CDH13: variants seen among roughly 807,000 people sequenced by gnomAD.
CDH13 encodes the protein cadherin-13.
Under a neutral mutation model 63.8 loss-of-function variants are expected in CDH13, and 24 were observed. The observed-to-expected ratio is 0.38, with a 90% confidence interval of 0.27 to 0.53. CDH13 has a LOEUF of 0.53. Ranked by LOEUF, CDH13 falls within the 20% of genes least tolerant of loss-of-function variation. CDH13 has a pLI of 0.85. For synonymous variants in CDH13, 503 were observed against 355.3 expected (o/e 1.42, Z -4.67); for missense variants, 1,049 against 903.1 (o/e 1.16, Z -2.07).
At chr16:82,995,442 T>G (rs1464794283) in intron 2 of CDH13, among the ~76,000 whole-genome samples, 3 of 152,198 alleles carry the variant, frequency 2.0e-5, no homozygotes, top group Non-Finnish European at 4.4e-5. Context: ...TTTCCCTTCT[T>G]CAGCTGAAAC....
intron 1 of CDH13, among the ~76,000 whole-genome samples, chr16:82,706,586 G>A (rs762398432): frequency 1.3e-5 from 2 of 151,908 alleles, no homozygotes; most frequent in Non-Finnish European, 2.9e-5. Flanking sequence ...CTGAGGGTCA[G>A]GAGTTGGAGA....
At chr16:83,468,725 T>G (rs2073381860) in intron 6 of CDH13, among the ~76,000 whole-genome samples, 1 of 152,220 alleles carries the variant, frequency 6.6e-6, no homozygotes, top group Admixed American at 6.5e-5. Context: ...CTTGATGAAG[T>G]TGAGCTGCCT....
intron 5 of CDH13, among the ~76,000 whole-genome samples, chr16:83,239,608 T>C (rs536974221): frequency 3.6e-4 from 55 of 152,308 alleles, no homozygotes; most frequent in African/African-American, 1.3e-3. Context: ...TTCCAGTCTG[T>C]CTACTTTCTG....
At chr16:82,912,858 G>C (rs1207678451) in intron 2 of CDH13, among the ~76,000 whole-genome samples, 1 of 151,972 alleles carries the variant, frequency 6.6e-6, no homozygotes, top group East Asian at 1.9e-4. Context: ...CAGGAGAATG[G>C]CGTGAACCCG....
At chr16:82,839,649 TG>T (rs553201026) in intron 1 of CDH13, among the ~76,000 whole-genome samples, 61 of 152,282 alleles carry the variant, frequency 4.0e-4, no homozygotes, top group African/African-American at 1.3e-3. Context: ...AGTGGCCAGA[TG>T]GGGTCTGTGG....
intron 4 of CDH13, among the ~76,000 whole-genome samples, chr16:83,127,435 G>C (rs1395675923): frequency 6.6e-6 from 1 of 152,164 alleles, no homozygotes; most frequent in Non-Finnish European, 1.5e-5. Context: ...TTGGACTATT[G>C]AAAATTGATC....
At position 83,047,536 on chromosome 16, in the gene CDH13, G is replaced by C. The variant is rs111752291; in HGVS notation, c.366+15318G>C. ...CATGGAAGGGGAGGATAAGAAAGAA[G>C]ACCTAAAAACTGAATTTTTAAAATA... On this transcript the variant is annotated intron_variant, in intron 3 of 13. Coordinates refer to ENST00000567109, the MANE Select transcript of CDH13 (RefSeq NM_001257.5). The surrounding 1 kb of genome is among the most constrained non-coding windows in gnomAD (Gnocchi z 4.9). 2.2e-4 allele frequency among the ~76,000 whole-genome samples: 34 copies of C among 152,200 alleles called. 1 individual carries two copies. Among genetic ancestry groups the C allele is most frequent in the African/African-American group, 7.9e-4 (33 of 41,532 alleles).
chr16:83,699,980 A>T (rs140551362), intron 10 of CDH13, among the ~76,000 whole-genome samples: 82 of 152,254 alleles, frequency 5.4e-4, no homozygotes, highest in African/African-American at 1.9e-3. Context: ...GAGTTCTGAC[A>T]TATGTGCACT....
chr16:83,179,688 G>T (rs1489956056), intron 4 of CDH13, among the ~76,000 whole-genome samples: 1 of 151,568 alleles, frequency 6.6e-6, no homozygotes, highest in East Asian at 1.9e-4. Context: ...CCCTAGAGAG[G>T]TGTTAAGTAA....
chr16:82,994,276 C>A (rs950882334), intron 2 of CDH13, among the ~76,000 whole-genome samples: 1 of 152,122 alleles, frequency 6.6e-6, no homozygotes, highest in South Asian at 2.1e-4. Context: ...AGCTAGAGAC[C>A]CACGTCTCTA....
At chr16:83,289,638 T>A (rs1246359962) in intron 5 of CDH13, among the ~76,000 whole-genome samples, 1 of 152,120 alleles carries the variant, frequency 6.6e-6, no homozygotes, top group Non-Finnish European at 1.5e-5. Context: ...AAGGGCACAT[T>A]CACCCCAACA....
At chr16:83,130,131 G>C (rs986660857) in intron 4 of CDH13, among the ~76,000 whole-genome samples, 4 of 152,186 alleles carry the variant, frequency 2.6e-5, no homozygotes, top group African/African-American at 9.7e-5. Context: ...TTGATCTTGC[G>C]GGATTACAAA....
intron 1 of CDH13, among the ~76,000 whole-genome samples, chr16:82,649,570 C>A (rs1011694636): frequency 3.0e-4 from 45 of 152,012 alleles, no homozygotes; most frequent in African/African-American, 1.1e-3. Flanking sequence ...GACTGAAGGG[C>A]CAGGACATGT....
At chr16:83,247,378 C>G (rs1271482746) in intron 5 of CDH13, among the ~76,000 whole-genome samples, 10 of 152,148 alleles carry the variant, frequency 6.6e-5, no homozygotes, top group Admixed American at 3.3e-4. Context: ...GAGAAGCAAG[C>G]TTAATGACTT....
intron 1 of CDH13, among the ~76,000 whole-genome samples, chr16:82,695,060 G>T (rs1420035745): frequency 6.6e-6 from 1 of 152,122 alleles, no homozygotes; most frequent in Non-Finnish European, 1.5e-5. Flanking sequence ...AGGAGGCAGC[G>T]TGGGCAAAGT....
chr16:83,708,933 A>AAG (rs1258377569), intron 10 of CDH13, among the ~76,000 whole-genome samples: 8 of 152,216 alleles, frequency 5.3e-5, no homozygotes, highest in African/African-American at 1.9e-4. Context: ...CTGAGGCAGG[A>AAG]AAATGGTTTG....
chr16:82,636,942 C>A (rs566444691), intron 1 of CDH13, among the ~76,000 whole-genome samples: 2 of 152,302 alleles, frequency 1.3e-5, no homozygotes, highest in South Asian at 4.1e-4. Flanking sequence ...CTGTTTCTAG[C>A]TCACCCCCTC....
At chr16:82,643,599 G>C (rs558833777) in intron 1 of CDH13, among the ~76,000 whole-genome samples, 6 of 152,148 alleles carry the variant, frequency 3.9e-5, no homozygotes, top group African/African-American at 1.4e-4. Flanking sequence ...ATAAAGCAAG[G>C]GTTCTTCACG....
intron 4 of CDH13, among the ~76,000 whole-genome samples, chr16:83,139,179 C>A (rs1337380761): frequency 6.6e-6 from 1 of 152,080 alleles, no homozygotes; most frequent in African/African-American, 2.4e-5. Context: ...GGTGGGCGAA[C>A]AGGTTATGTG....
Sources: allele counts gnomAD v4.1 joint callset (sites outside exome capture counted in the v4.1 genomes callset), GRCh38; gene constraint gnomAD v4.1.1; non-coding constraint Gnocchi (gnomAD v3.1); transcripts MANE v1.5; gene names NCBI Gene and HGNC (gene_info 2026-07-23, HGNC 2026-07-21).